DPF3: variants seen among roughly 807,000 people sequenced by gnomAD.
The protein encoded by DPF3 is zinc finger protein DPF3.
DPF3 carries 18 observed loss-of-function variants against 56.8 expected under a neutral mutation model. The observed-to-expected ratio is 0.32, with a 90% CI of 0.22 to 0.47. The LOEUF is 0.47. DPF3 is among the 20% of genes least tolerant of loss of function. DPF3 has a pLI of 1.00. For synonymous variants in DPF3, 188 were observed against 180.2 expected (o/e 1.04, Z -0.35); for missense variants, 403 against 488.8 (o/e 0.82, Z 1.65).
chr14:72,686,687 C>A (rs1191102506), intron 7 of DPF3, among the ~76,000 whole-genome samples: 1 of 152,214 alleles, frequency 6.6e-6, no homozygotes, highest in East Asian at 1.9e-4. Flanking sequence ...CTCTAAAGAA[C>A]ACCTGTTACT....
At chr14:72,829,276 G>A (rs961153974) in intron 1 of DPF3, among the ~76,000 whole-genome samples, 1 of 152,184 alleles carries the variant, frequency 6.6e-6, no homozygotes, top group African/African-American at 2.4e-5. Flanking sequence ...AAGACAATAT[G>A]TGGTCAATAA....
chr14:72,797,477 A>T (rs1892690769), intron 1 of DPF3, among the ~76,000 whole-genome samples: 2 of 152,270 alleles, frequency 1.3e-5, no homozygotes, highest in African/African-American at 4.8e-5. Flanking sequence ...AAGTCCTGGC[A>T]TGTAATAGTT....
chr14:72,843,026 A>AAAAT (rs934353074), intron 1 of DPF3, among the ~76,000 whole-genome samples: 1 of 152,116 alleles, frequency 6.6e-6, no homozygotes, highest in African/African-American at 2.4e-5. Flanking sequence ...CCATCTCAAA[A>AAAAT]AAATAAATAA....
At position 72,877,249 on chromosome 14, in the gene DPF3, C is replaced by T. The variant is rs548833248; in HGVS notation, c.32+16808G>A. On this transcript the variant is annotated intron_variant, in intron 1 of 10. Transcript: ENST00000556509. ...TTTTTCTTCCCAAGGATTTGAAAAG[C>T]TACAGTAGAGCCTGGAGGAGAGTGG... Among the ~76,000 whole-genome samples the T allele has an allele frequency of 9.2e-5, 14 of 152,240 alleles. No individual in the cohort carries two copies. The South Asian group carries it at 2.9e-3, about 32-fold the overall frequency.
At chr14:72,853,034 CGT>C (rs10522943) in intron 1 of DPF3, among the ~76,000 whole-genome samples, 3 of 143,986 alleles carry the variant, frequency 2.1e-5, no homozygotes, top group Non-Finnish European at 3.0e-5. Flanking sequence ...CATAGCCTTG[CGT>C]GTGTGTGTGT....
At chr14:72,863,744 A>C (rs1258338126) in intron 1 of DPF3, among the ~76,000 whole-genome samples, 1 of 152,152 alleles carries the variant, frequency 6.6e-6, no homozygotes, top group East Asian at 1.9e-4. Context: ...TTACTCAAGG[A>C]ACTCCAGCAG....
intron 1 of DPF3, among the ~76,000 whole-genome samples, chr14:72,815,332 T>A (rs1737916865): frequency 6.6e-6 from 1 of 152,262 alleles, no homozygotes; most frequent in Admixed American, 6.5e-5. Flanking sequence ...AGGCTGACAA[T>A]GCCAAGCTCT....
intron 8 of DPF3, among the ~76,000 whole-genome samples, chr14:72,649,003 G>A (rs1211757609): frequency 2.6e-5 from 4 of 151,806 alleles, no homozygotes; most frequent in African/African-American, 9.7e-5. Flanking sequence ...CTCCCACCTC[G>A]CTGGCTGCCC....
intron 1 of DPF3, among the ~76,000 whole-genome samples, chr14:72,775,897 A>C (rs1045955649): frequency 4.6e-5 from 7 of 152,148 alleles, no homozygotes; most frequent in Admixed American, 2.0e-4. Context: ...TGCTCTCTAG[A>C]AGAAAATCAA....
At chr14:72,649,140 C>T (rs1567188962) in intron 8 of DPF3, among the ~76,000 whole-genome samples, 2 of 152,116 alleles carry the variant, frequency 1.3e-5, no homozygotes, top group Admixed American at 6.5e-5. Context: ...CCAGCATGAA[C>T]CTCTTTCTGA....
intron 8 of DPF3, chr14:72,670,921 G>A: frequency 3.1e-6 from 4 of 1,301,156 alleles, no homozygotes; most frequent in Non-Finnish European, 3.9e-6. Flanking sequence ...CTGCTGTTTT[G>A]TTTTGTTTCA....
intron 7 of DPF3, chr14:72,679,151 C>T (rs1213725925): frequency 6.6e-6 from 1 of 152,236 alleles, no homozygotes; most frequent in Non-Finnish European, 1.5e-5. Flanking sequence ...AAACTACCGC[C>T]CAGGCAGCAC....
intron 5 of DPF3, among the ~76,000 whole-genome samples, chr14:72,720,367 C>G (rs1051752300): frequency 1.3e-5 from 2 of 152,200 alleles, no homozygotes; most frequent in African/African-American, 2.4e-5. Context: ...ATGGGCAAAA[C>G]AGCTGAACTG....
chr14:72,672,457 TG>T (rs1886730958), intron 8 of DPF3, among the ~76,000 whole-genome samples: 1 of 152,164 alleles, frequency 6.6e-6, no homozygotes, highest in South Asian at 2.1e-4. Flanking sequence ...TCTCATCTCA[TG>T]GGCCAATGAC....
chr14:72,688,321 G>A (rs1298612325), intron 7 of DPF3, among the ~76,000 whole-genome samples: 2 of 127,150 alleles, frequency 1.6e-5, no homozygotes, highest in Admixed American at 7.7e-5. Context: ...GTGGGTGGGT[G>A]GGTGGATGGA....
At chr14:72,759,199 T>C (rs1203250892) in intron 2 of DPF3, among the ~76,000 whole-genome samples, 4 of 152,186 alleles carry the variant, frequency 2.6e-5, no homozygotes, top group Non-Finnish European at 2.9e-5. Flanking sequence ...GATTAGATAT[T>C]GCAGAAGAAA....
intron 8 of DPF3, among the ~76,000 whole-genome samples, chr14:72,651,007 T>C (rs1325725928): frequency 2.0e-5 from 3 of 152,222 alleles, no homozygotes; most frequent in Non-Finnish European, 2.9e-5. Context: ...ACTCAGACAC[T>C]GTCAGAACCA....
chr14:72,767,966 A>G (rs1164752287), intron 2 of DPF3, among the ~76,000 whole-genome samples: 2 of 152,164 alleles, frequency 1.3e-5, no homozygotes, highest in Non-Finnish European at 2.9e-5. Flanking sequence ...CAGATTTCTC[A>G]TCACTAACCA....
chr14:72,777,393 A>T (rs1017933537), intron 1 of DPF3, among the ~76,000 whole-genome samples: 5 of 152,210 alleles, frequency 3.3e-5, no homozygotes, highest in Non-Finnish European at 2.9e-5. Flanking sequence ...TTTTCCTTGA[A>T]GTGGTCCTGT....
Sources: allele counts gnomAD v4.1 joint callset (sites outside exome capture counted in the v4.1 genomes callset), GRCh38; gene constraint gnomAD v4.1.1; transcripts MANE v1.5; gene names NCBI Gene and HGNC (gene_info 2026-07-23, HGNC 2026-07-21).